PTPRG: variants seen among roughly 807,000 people sequenced by gnomAD.
The protein encoded by PTPRG is receptor-type tyrosine-protein phosphatase gamma.
A neutral mutation model predicts 165.3 loss-of-function variants in PTPRG; 102 were observed. The observed-to-expected ratio is 0.62, with a 90% confidence interval of 0.53 to 0.73. The LOEUF is 0.73. PTPRG is among the 30% of genes least tolerant of loss of function. The probability of loss-of-function intolerance (pLI) is 0.00; values close to 1 mark genes in which losing one functional copy is unlikely to be tolerated. For synonymous variants in PTPRG, 675 were observed against 669.5 expected (o/e 1.01, Z -0.13); for missense variants, 1,866 against 1,861.4 (o/e 1.00, Z -0.05).
At chr3:62,181,381 A>G (rs963640102) in intron 8 of PTPRG, among the ~76,000 whole-genome samples, 3 of 152,092 alleles carry the variant, frequency 2.0e-5, no homozygotes, top group East Asian at 3.9e-4. Flanking sequence ...TTTCCTTCCC[A>G]GTTTTCTCAT....
rs375372033 is a variant in PTPRG, at chr3:61,860,153, T to C, written c.190+111171T>C. ...CAGAAGAGGAAATATTGTATGTACA[T>C]TTCAGAGTGAAAAGTAATTCCTCAG... On this transcript the variant is annotated intron_variant, in intron 2 of 29. Coordinates refer to ENST00000474889, the MANE Select transcript of PTPRG (RefSeq NM_002841.4). Among the ~76,000 whole-genome samples the C allele has an allele frequency of 1.4e-4, 21 of 152,348 alleles. 2 individuals carry two copies. Among genetic ancestry groups the C allele is most frequent in the African/African-American group, 5.0e-4 (21 of 41,594 alleles).
intron 2 of PTPRG, among the ~76,000 whole-genome samples, chr3:61,861,471 T>C (rs2037269493): frequency 6.6e-6 from 1 of 152,208 alleles, no homozygotes; most frequent in Non-Finnish European, 1.5e-5. Flanking sequence ...TTCCCTGTTA[T>C]TAGAGTCCTG....
rs1702625921 is a variant in PTPRG at position 62,110,370 on chromosome 3, A to G, written c.616-22232A>G. Among the ~76,000 whole-genome samples, 3 of 152,106 alleles carry G rather than the reference A, an allele frequency of 2.0e-5. No homozygotes were observed. In the South Asian group the frequency reaches 6.2e-4, roughly 32 times the overall value. ...ATGCTCAATAATTGATTTTAGTCTG[A>G]TTACATCGGACGTTCCATAATCAGG... On this transcript the variant is annotated intron_variant, in intron 5 of 29. Transcript: ENST00000474889.
intron 2 of PTPRG, among the ~76,000 whole-genome samples, chr3:61,793,347 A>C (rs190665412): frequency 9.9e-5 from 15 of 152,274 alleles, no homozygotes; most frequent in African/African-American, 3.6e-4. Flanking sequence ...GCTAATGAGC[A>C]TCTTTTCTGA....
intron 2 of PTPRG, among the ~76,000 whole-genome samples, chr3:61,928,101 A>C (rs2039270161): frequency 6.6e-6 from 1 of 152,190 alleles, no homozygotes; most frequent in Non-Finnish European, 1.5e-5. Flanking sequence ...TTCTGCTATA[A>C]GGGGTATGAG....
rs200773425 is a variant in PTPRG, at chr3:61,740,908, TAGA to T, written c.86-7967_86-7965del. Among the ~76,000 whole-genome samples the T allele has an allele frequency of 8.6e-3, 1,309 of 152,298 alleles. 12 individuals are homozygous for T. Among genetic ancestry groups the T allele is most frequent in the Non-Finnish European group, 0.016 (1,055 of 68,032 alleles). ...AGGTTAGCTCAGTATTACAAACAACTAGAAGGACCATTTATAATGCAGTGCTTA... is the reference window on the plus strand; with the variant it reads ...AGGTTAGCTCAGTATTACAAACAACTAGGACCATTTATAATGCAGTGCTTA... On this transcript the variant is annotated intron_variant, in intron 1 of 29. Transcript: ENST00000474889.
intron 1 of PTPRG, among the ~76,000 whole-genome samples, chr3:61,573,418 A>C (rs1008729093): frequency 6.6e-6 from 1 of 152,174 alleles, no homozygotes; most frequent in African/African-American, 2.4e-5. Context: ...TGATAGAAAT[A>C]GTGCACATTT....
At chr3:61,877,962 C>T (rs2037789822) in intron 2 of PTPRG, among the ~76,000 whole-genome samples, 1 of 152,176 alleles carries the variant, frequency 6.6e-6, no homozygotes, top group Non-Finnish European at 1.5e-5. Flanking sequence ...GCTCCTCGCA[C>T]AATAGAGTGT....
At chr3:61,912,457 G>A (rs1006789354) in intron 2 of PTPRG, among the ~76,000 whole-genome samples, 1 of 152,132 alleles carries the variant, frequency 6.6e-6, no homozygotes, top group African/African-American at 2.4e-5. Flanking sequence ...GCTTACTGAA[G>A]TCAAACTGCA....
In PTPRG at chr3:61,933,059, C is replaced by G. The variant is rs182297637; in HGVS notation, c.191-56566C>G. On this transcript the variant is annotated intron_variant, in intron 2 of 29. Transcript: ENST00000474889. ...AGACAAGCAAAACTGAGCACAGCCT[C>G]TGCTGCGATCCTGTGATTGGGGTCC... Among the ~76,000 whole-genome samples, 231 of 152,304 alleles carry G rather than the reference C, an allele frequency of 1.5e-3. 2 individuals carry two copies. Among genetic ancestry groups the G allele is most frequent in the African/African-American group, 5.1e-3 (211 of 41,574 alleles).
intron 1 of PTPRG, among the ~76,000 whole-genome samples, chr3:61,627,195 T>A (rs1381181905): frequency 2.0e-5 from 3 of 150,622 alleles, no homozygotes. Context: ...AATAGTAGTG[T>A]TGGAATTATA....
intron 2 of PTPRG, among the ~76,000 whole-genome samples, chr3:61,836,975 A>G (rs1174676423): frequency 1.3e-5 from 2 of 152,070 alleles, no homozygotes; most frequent in East Asian, 1.9e-4. Context: ...CAATGGCACA[A>G]TCTCGGCTTA....
chr3:62,126,186 G>A (rs1233573967), intron 5 of PTPRG, among the ~76,000 whole-genome samples: 1 of 152,172 alleles, frequency 6.6e-6, no homozygotes, highest in Non-Finnish European at 1.5e-5. Context: ...TTCCAGTAAT[G>A]CACTCCTCCA....
intron 2 of PTPRG, among the ~76,000 whole-genome samples, chr3:61,973,143 A>G (rs957749526): frequency 1.3e-5 from 2 of 152,250 alleles, no homozygotes; most frequent in Non-Finnish European, 2.9e-5. Context: ...AAAGCTGATT[A>G]CAGCATGCTT....
chr3:61,882,924 C>T (rs1286521900), intron 2 of PTPRG, among the ~76,000 whole-genome samples: 2 of 152,284 alleles, frequency 1.3e-5, no homozygotes, highest in African/African-American at 4.8e-5. Context: ...AGGCCTCTGC[C>T]ATCTTGGCTG....
chr3:61,701,658 G>A (rs535250905), intron 1 of PTPRG, among the ~76,000 whole-genome samples: 1 of 152,302 alleles, frequency 6.6e-6, no homozygotes, highest in South Asian at 2.1e-4. Context: ...AGTAGTTTGG[G>A]AGGCCAAGGT....
At chr3:62,198,637 A>G (rs535533817) in intron 10 of PTPRG, among the ~76,000 whole-genome samples, 1 of 152,360 alleles carries the variant, frequency 6.6e-6, no homozygotes, top group East Asian at 1.9e-4. Flanking sequence ...TTGTCAAAAT[A>G]TTTTAAACAC....
chr3:61,697,195 C>G (rs1319197822), intron 1 of PTPRG, among the ~76,000 whole-genome samples: 1 of 152,154 alleles, frequency 6.6e-6, no homozygotes, highest in Non-Finnish European at 1.5e-5. Context: ...AGAGGCGCCT[C>G]CCTCTACCCT....
intron 1 of PTPRG, among the ~76,000 whole-genome samples, chr3:61,650,322 A>G (rs1702316484): frequency 6.6e-6 from 1 of 152,194 alleles, no homozygotes; most frequent in African/African-American, 2.4e-5. Flanking sequence ...TACCATTGCC[A>G]CTCACCTAGG....
Sources: allele counts gnomAD v4.1 joint callset (sites outside exome capture counted in the v4.1 genomes callset), GRCh38; gene constraint gnomAD v4.1.1; transcripts MANE v1.5; gene names NCBI Gene and HGNC (gene_info 2026-07-23, HGNC 2026-07-21).